Variants in CTNNBIP1 observed in about 807,000 individuals in gnomAD.
The protein encoded by CTNNBIP1 is catenin beta interacting protein 1.
In CTNNBIP1, 7 loss-of-function variants were observed where a neutral mutation model predicts 11.8. The ratio of observed to expected loss-of-function variants is 0.60; its 90% confidence interval spans 0.34 to 1.12. The LOEUF (loss-of-function observed/expected upper bound fraction) is 1.12. CTNNBIP1 is among the 50% of genes most tolerant of loss of function. The pLI is 0.03. For synonymous variants in CTNNBIP1, 58 were observed against 43.9 expected, an observed-to-expected ratio of 1.32 and a Z score of -1.26; for missense variants, 101 against 113.4, an observed-to-expected ratio of 0.89 and a Z score of 0.50.
At chr1:9,884,484 G>C (rs546232740) in intron 1 of CTNNBIP1, among the ~76,000 whole-genome samples, 16 of 152,144 alleles carry the variant, frequency 1.1e-4, no homozygotes, top group Non-Finnish European at 2.4e-4. Flanking sequence ...AGAGCCACCC[G>C]GACCCACAGG....
intron 5 of CTNNBIP1, among the ~76,000 whole-genome samples, chr1:9,866,392 A>C (rs924354745): frequency 6.6e-6 from 1 of 152,182 alleles, no homozygotes; most frequent in African/African-American, 2.4e-5. Context: ...GAGCCACTGA[A>C]TGATTTTAAG....
intron 1 of CTNNBIP1, among the ~76,000 whole-genome samples, chr1:9,908,071 C>T (rs1639651563): frequency 6.6e-6 from 1 of 152,202 alleles, no homozygotes; most frequent in African/African-American, 2.4e-5. Flanking sequence ...TTCTCCACCC[C>T]CGCCCAAGAC....
chr1:9,861,281 G>A (rs1031286825), intron 5 of CTNNBIP1, among the ~76,000 whole-genome samples: 1 of 152,194 alleles, frequency 6.6e-6, no homozygotes, highest in African/African-American at 2.4e-5. Flanking sequence ...GGACCCAGAC[G>A]CTCCTCCAAA....
At chr1:9,901,438 T>C (rs1639520563) in intron 1 of CTNNBIP1, among the ~76,000 whole-genome samples, 1 of 152,154 alleles carries the variant, frequency 6.6e-6, no homozygotes, top group South Asian at 2.1e-4. Flanking sequence ...GGGATCCTGA[T>C]CTTTGCAGGA....
chr1:9,866,053 C>T (rs925133135), intron 5 of CTNNBIP1, among the ~76,000 whole-genome samples: 2 of 152,176 alleles, frequency 1.3e-5, no homozygotes, highest in African/African-American at 4.8e-5. Context: ...GACTAGAACC[C>T]AGTTCATTTA....
chr1:9,902,928 G>C (rs1570602342), intron 1 of CTNNBIP1, among the ~76,000 whole-genome samples: 1 of 152,100 alleles, frequency 6.6e-6, no homozygotes, highest in South Asian at 2.1e-4. Context: ...ACCACGCCAG[G>C]CTAATTTTTT....
At chr1:9,898,748 T>C (rs1639459815) in intron 1 of CTNNBIP1, among the ~76,000 whole-genome samples, 1 of 152,188 alleles carries the variant, frequency 6.6e-6, no homozygotes, top group Non-Finnish European at 1.5e-5. Flanking sequence ...AATCCACAGA[T>C]GCTCTAGTCC....
At position 9,863,184 on chromosome 1, in the gene CTNNBIP1, T is replaced by C. The variant is rs183442965; in HGVS notation, c.187+8003A>G. Among the ~76,000 whole-genome samples the C allele has an allele frequency of 2.3e-3, 345 of 152,322 alleles. 1 individual carries two copies. Among genetic ancestry groups the C allele is most frequent in the African/African-American group, 7.9e-3 (329 of 41,570 alleles). ...CTGCACTTCAGCACATTCCTCGCTT[T>C]TCTTGGGATTGTTTTTCCCCCTTTT... is the stretch of plus-strand genomic sequence containing the variant. On this transcript the variant is annotated intron_variant, in intron 5 of 5. Coordinates refer to ENST00000377263, the MANE Select transcript of CTNNBIP1 (RefSeq NM_020248.3).
rs1192313650 is a variant in CTNNBIP1, at chr1:9,872,851, G to A, written c.-24-763C>T. Reference sequence around the variant, plus strand: ...CCCCCTCCCTCCAGGAGGAGCTGGAGGAGAGGAAGCTGGGTATGGAGGGGC... The same window carrying A: ...CCCCCTCCCTCCAGGAGGAGCTGGAAGAGAGGAAGCTGGGTATGGAGGGGC... On this transcript the variant is annotated intron_variant, in intron 3 of 5. Transcript: ENST00000377263. The surrounding 1 kb of genome is among the most constrained non-coding windows in gnomAD (Gnocchi z 4.0). 2.0e-5 allele frequency among the ~76,000 whole-genome samples: 3 copies of A among 152,206 alleles called. No homozygotes were observed. Among genetic ancestry groups the A allele is most frequent in the Admixed American group, 6.5e-5 (1 of 15,282 alleles).
At chr1:9,907,853 T>C (rs1406494500) in intron 1 of CTNNBIP1, among the ~76,000 whole-genome samples, 3 of 152,190 alleles carry the variant, frequency 2.0e-5, no homozygotes, top group Non-Finnish European at 2.9e-5. Context: ...GCAGCTGCAA[T>C]AGTCTGTCTC....
intron 5 of CTNNBIP1, among the ~76,000 whole-genome samples, chr1:9,861,149 C>G (rs1638617660): frequency 1.3e-5 from 2 of 152,212 alleles, no homozygotes; most frequent in African/African-American, 4.8e-5. Context: ...GTTGTGGTAC[C>G]TTTTCCTCCT....
At chr1:9,874,453 T>C (rs1483588043) in intron 3 of CTNNBIP1, among the ~76,000 whole-genome samples, 1 of 152,182 alleles carries the variant, frequency 6.6e-6, no homozygotes, top group East Asian at 1.9e-4. Context: ...TCTTGTTATG[T>C]TGCACAGCCA....
intron 2 of CTNNBIP1, among the ~76,000 whole-genome samples, chr1:9,879,321 TGA>T (rs1639035688): frequency 1.3e-5 from 2 of 152,176 alleles, no homozygotes; most frequent in African/African-American, 4.8e-5. Flanking sequence ...AAACTGGTTC[TGA>T]GAGAGGTGCG....
In CTNNBIP1 at chr1:9,851,523, A is replaced by AT. The variant is rs577361994; in HGVS notation, c.188-748_188-747insA. On this transcript the variant is annotated intron_variant, in intron 5 of 5. Coordinates refer to ENST00000377263, the MANE Select transcript of CTNNBIP1 (RefSeq NM_020248.3). This position sits in a 1 kb window ranked among gnomAD's most constrained non-coding sequence, Gnocchi z 4.8. ...GTAGCTGGGATTACAGGTGTGCATC[A>AT]CCACGCCCGGCTAATTTTTTTGTAT... Among the ~76,000 whole-genome samples, 139 of 152,100 alleles carry AT rather than the reference A, an allele frequency of 9.1e-4. No individual in the cohort carries two copies. The highest frequency in any genetic ancestry group is 1.5e-3 in the Non-Finnish European group (103 of 67,978).
chr1:9,871,934 G>A lies in CTNNBIP1; in HGVS notation c.96+35C>T. 6.3e-7 allele frequency: 1 copy of A among 1,579,780 alleles called. No homozygotes were observed. Among genetic ancestry groups the A allele is most frequent in the Non-Finnish European group, 8.7e-7 (1 of 1,149,050 alleles). The stretch of plus-strand genomic sequence containing the variant: ...GGCCCCTCCCTGGGAGACCCTCCCT[G>A]GGGGCCCGCTGCCTGACACCCCACA... On this transcript the variant is annotated intron_variant, in intron 4 of 5. Coordinates refer to ENST00000377263, the MANE Select transcript of CTNNBIP1 (RefSeq NM_020248.3). This position sits in a 1 kb window ranked among gnomAD's most constrained non-coding sequence, Gnocchi z 5.2.
In CTNNBIP1 at chr1:9,858,382, C is replaced by G. The variant is rs548936428; in HGVS notation, c.188-7606G>C. Among the ~76,000 whole-genome samples, 118 of 152,290 alleles carry G rather than the reference C, an allele frequency of 7.7e-4. No individual in the cohort carries two copies. The South Asian group carries it at 0.024, about 31-fold the overall frequency. ...ACCTCCTCACTGTGGCCTGCAGGAC[C>G]CACACACGCTGGTCTCTGACTGCCA... is the stretch of plus-strand genomic sequence containing the variant. On this transcript the variant is annotated intron_variant, in intron 5 of 5. Coordinates refer to ENST00000377263, the MANE Select transcript of CTNNBIP1 (RefSeq NM_020248.3).
chr1:9,909,778 GC>G (rs1037314581), intron 1 of CTNNBIP1, among the ~76,000 whole-genome samples: 1 of 152,096 alleles, frequency 6.6e-6, no homozygotes, highest in African/African-American at 2.4e-5. Context: ...AGAGGCAGGG[GC>G]CCAGAGGTCG....
intron 2 of CTNNBIP1, among the ~76,000 whole-genome samples, chr1:9,879,241 C>T (rs917196525): frequency 2.0e-5 from 3 of 152,066 alleles, no homozygotes; most frequent in Non-Finnish European, 2.9e-5. Flanking sequence ...ACTACCCACT[C>T]TTCTACTACC....
In CTNNBIP1 at chr1:9,872,096, G is replaced by C; in HGVS notation, c.-24-8C>G. Reference sequence around the variant, plus strand: ...GCCTGGCTCTGGGGACTCCTGCAGAGCAAGCAACAGCATCAAAAGGGAAGA... The same window carrying C: ...GCCTGGCTCTGGGGACTCCTGCAGACCAAGCAACAGCATCAAAAGGGAAGA... On this transcript the variant is annotated splice_polypyrimidine_tract_variant and splice_region_variant and intron_variant, in intron 3 of 5. Coordinates refer to ENST00000377263, the MANE Select transcript of CTNNBIP1 (RefSeq NM_020248.3). This position sits in a 1 kb window ranked among gnomAD's most constrained non-coding sequence, Gnocchi z 4.0. The C allele has an allele frequency of 6.7e-7, 1 of 1,487,616 alleles. No individual in the cohort carries two copies. The highest frequency in any genetic ancestry group is 1.4e-5 in the African/African-American group (1 of 72,614). The allele number at this position is 1,487,616 out of a possible 1,614,324, so 92.2% of individuals were successfully genotyped here. A position where few individuals can be genotyped will look rare whatever the true frequency, so the allele number is the denominator to read the frequency against.
Sources: allele counts gnomAD v4.1 joint callset (sites outside exome capture counted in the v4.1 genomes callset), GRCh38; gene constraint gnomAD v4.1.1; non-coding constraint Gnocchi (gnomAD v3.1); transcripts MANE v1.5; gene names NCBI Gene and HGNC (gene_info 2026-07-23, HGNC 2026-07-21).